The following MGAT5 variants were observed in gnomAD, a reference collection of about 807,000 sequenced individuals.
MGAT5 encodes the protein alpha-1,6-mannosylglycoprotein 6-beta-N-acetylglucosaminyltransferase, also known as alpha-1,6-mannosylglycoprotein 6-beta-N-acetylglucosaminyltransferase A.
A neutral mutation model predicts 94.3 loss-of-function variants in MGAT5; 30 were observed. The ratio of observed to expected loss-of-function variants is 0.32; its 90% CI spans 0.24 to 0.43. The LOEUF (loss-of-function observed/expected upper bound fraction) is 0.43, where lower values mean the gene tolerates loss of function less well. Ranked by LOEUF, MGAT5 falls within the 20% of genes least tolerant of loss-of-function variation. MGAT5 has a pLI of 1.00. For synonymous variants in MGAT5, 310 were observed against 322.9 expected (o/e 0.96, Z 0.43); for missense variants, 691 against 905.5 (o/e 0.76, Z 3.04).
intron 1 of MGAT5, among the ~76,000 whole-genome samples, chr2:134,238,070 C>G (rs1275757494): frequency 2.0e-5 from 3 of 152,014 alleles, no homozygotes; most frequent in African/African-American, 7.2e-5. Flanking sequence ...TTTTTCTAGA[C>G]TTGTTCCATT....
intron 2 of MGAT5, among the ~76,000 whole-genome samples, chr2:134,302,716 CTGTGTGTGTGTGTGTGTGTGTGTG>C (rs3034344): frequency 1.3e-3 from 176 of 133,696 alleles, no homozygotes; most frequent in African/African-American, 4.1e-3. Flanking sequence ...TTAAGAAATG[CTGTGTGTGTGTGTGTGTGTGTGTG>C]TGTGTGTGTG....
chr2:134,255,456 AAT>A (rs945393073), intron 1 of MGAT5, among the ~76,000 whole-genome samples: 1 of 149,776 alleles, frequency 6.7e-6, no homozygotes, highest in Admixed American at 6.7e-5. Context: ...TACACACACA[AAT>A]ATATATATAC....
intron 14 of MGAT5, among the ~76,000 whole-genome samples, chr2:134,434,787 T>C (rs557982916): frequency 9.2e-5 from 14 of 152,324 alleles, no homozygotes; most frequent in African/African-American, 3.4e-4. Flanking sequence ...GCAAGTGGCC[T>C]GCGCATCCTA....
intron 1 of MGAT5, among the ~76,000 whole-genome samples, chr2:134,189,602 G>GTTTTTTTTTGTTTTTT (rs1689240830): frequency 5.9e-5 from 5 of 84,672 alleles, no homozygotes; most frequent in Non-Finnish European, 1.1e-4. Flanking sequence ...GTTTTTTTTT[G>GTTTTTTTTTGTTTTTT]TTTTTTTTTT....
rs557028847 is a variant in MGAT5, at chr2:134,178,707, A to G, written c.-143+58416A>G. Among the ~76,000 whole-genome samples the G allele has an allele frequency of 2.6e-5, 4 of 152,344 alleles. No homozygotes were observed. The South Asian group carries it at 8.3e-4, about 32-fold the overall frequency. On this transcript the variant is annotated intron_variant, in intron 1 of 16. Coordinates refer to the MGAT5 transcript ENST00000409645. ...AAGTCGAGGAGTAAGAGATTGCTCT[A>G]GGGAAAGAACTTGAATTCTTGATTC...
chr2:134,307,207 AG>A (rs758536352), intron 2 of MGAT5, among the ~76,000 whole-genome samples: 3 of 152,162 alleles, frequency 2.0e-5, no homozygotes, highest in Admixed American at 6.5e-5. Flanking sequence ...TAATCAAAGA[AG>A]GGGGCTTGAG....
chr2:134,191,447 C>T (rs1294832503), intron 1 of MGAT5, among the ~76,000 whole-genome samples: 2 of 150,596 alleles, frequency 1.3e-5, no homozygotes, highest in East Asian at 3.9e-4. Context: ...GTGGGTTCGC[C>T]CCCTCCCCCT....
chr2:134,230,350 A>G (rs781752756), intron 1 of MGAT5, among the ~76,000 whole-genome samples: 1 of 152,202 alleles, frequency 6.6e-6, no homozygotes, highest in Admixed American at 6.5e-5. Flanking sequence ...TAACAGGCCA[A>G]GGACTGGTAC....
chr2:134,411,429 A>G (rs970055980), intron 11 of MGAT5, among the ~76,000 whole-genome samples: 1 of 152,140 alleles, frequency 6.6e-6, no homozygotes, highest in East Asian at 1.9e-4. Context: ...TGCCCTGTGG[A>G]CATCTCTGGC....
At position 134,453,023 on chromosome 2, in the gene MGAT5, T is replaced by TA. The variant is rs1315677172; in HGVS notation, c.*4177dup. 1 of 152,248 alleles carries TA rather than the reference T, an allele frequency of 6.6e-6. No homozygotes were observed. Among genetic ancestry groups the TA allele is most frequent in the African/African-American group, 2.4e-5 (1 of 41,470 alleles). 9.4% of individuals were successfully genotyped at this position (152,248 alleles called of 1,614,324 possible). On this transcript the variant is annotated 3_prime_UTR_variant, in exon 16 of 16. Transcript: ENST00000281923. ...CAGAAAAAAATTACCCTAGCTTTCT[T>TA]AGCACTTAGGGTTTTGTGAGGATTC...
chr2:134,305,125 CT>C (rs1686250487), intron 2 of MGAT5, among the ~76,000 whole-genome samples: 1 of 152,102 alleles, frequency 6.6e-6, no homozygotes. Flanking sequence ...GGACCAAAAC[CT>C]TATTATCAAG....
chr2:134,412,869 T>C lies in MGAT5; in HGVS notation c.1531T>C (p.Leu511=), dbSNP rs769087376. 4 of 1,614,022 alleles carry C rather than the reference T, an allele frequency of 2.5e-6. No homozygotes were observed. The highest frequency in any genetic ancestry group is 1.1e-5 in the South Asian group (1 of 91,068). ...CGCTGTGTGGTTTTCTGTCTTACAGTTGTTTGTTGGACTTGGGTTCCCTTA... is the reference window on the plus strand; with the variant it reads ...CGCTGTGTGGTTTTCTGTCTTACAGCTGTTTGTTGGACTTGGGTTCCCTTA... ...DLQFLLRETK[L]FVGLGFPYEG... The change falls in exon 12 of 16, where the codon TTG becomes CTG. Residue 511 remains leucine (L), a splice_region_variant and synonymous_variant. Transcript: ENST00000281923.
intron 1 of MGAT5, among the ~76,000 whole-genome samples, chr2:134,145,525 G>T (rs549030073): frequency 1.4e-4 from 22 of 152,122 alleles, no homozygotes; most frequent in African/African-American, 5.1e-4. Flanking sequence ...CAGCCTGGGC[G>T]ACAGAGCGAG....
At chr2:134,264,209 A>T (rs1683540585) in intron 1 of MGAT5, among the ~76,000 whole-genome samples, 1 of 151,778 alleles carries the variant, frequency 6.6e-6, no homozygotes, top group Non-Finnish European at 1.5e-5. Context: ...TTTAGTAGAG[A>T]CGGGGTTTCT....
chr2:134,135,213 A>T (rs1162889904), intron 1 of MGAT5, among the ~76,000 whole-genome samples: 2 of 152,182 alleles, frequency 1.3e-5, no homozygotes, highest in Admixed American at 1.3e-4. Flanking sequence ...AATTGTGTTT[A>T]GGTAGGTTAT....
intron 12 of MGAT5, among the ~76,000 whole-genome samples, chr2:134,420,986 C>T (rs766445002): frequency 6.6e-6 from 1 of 152,194 alleles, no homozygotes; most frequent in Non-Finnish European, 1.5e-5. Context: ...AAACATTCAG[C>T]TGAATATGGT....
intron 2 of MGAT5, among the ~76,000 whole-genome samples, chr2:134,280,345 A>G (rs1035543462): frequency 6.6e-6 from 1 of 152,156 alleles, no homozygotes; most frequent in African/African-American, 2.4e-5. Context: ...ACATTCAGCA[A>G]GTCTCACGTG....
intron 10 of MGAT5, among the ~76,000 whole-genome samples, chr2:134,377,418 A>G (rs1681253803): frequency 1.3e-5 from 2 of 152,152 alleles, no homozygotes; most frequent in South Asian, 2.1e-4. Context: ...CTTTCCCCCC[A>G]TTATTTGACC....
At chr2:134,398,981 T>A (rs1293455712) in intron 10 of MGAT5, among the ~76,000 whole-genome samples, 1 of 152,134 alleles carries the variant, frequency 6.6e-6, no homozygotes, top group Non-Finnish European at 1.5e-5. Flanking sequence ...AAGGAATAAG[T>A]TCTAGTGTTC....
Sources: gnomAD v4.1 joint callset for allele counts (sites outside exome capture counted in the v4.1 genomes callset) on GRCh38, gnomAD v4.1.1 for gene constraint, MANE v1.5 for transcripts, NCBI Gene and HGNC (gene_info 2026-07-23, HGNC 2026-07-21) for gene names.